Variants in RORC observed in about 807,000 individuals in gnomAD.
The protein encoded by RORC is nuclear receptor ROR-gamma.
Under a neutral mutation model 64.5 loss-of-function variants are expected in RORC, and 13 were observed. The ratio of observed to expected loss-of-function variants is 0.20; its 90% CI spans 0.13 to 0.32. The LOEUF (loss-of-function observed/expected upper bound fraction) is 0.32. Among genes scored for constraint, RORC ranks in the 10% least tolerant of loss-of-function variants. The pLI, the probability that RORC is intolerant of heterozygous loss-of-function variation, is 1.00. For synonymous variants in RORC, 277 were observed against 259.3 expected (o/e 1.07, Z -0.65); for missense variants, 468 against 669.5 (o/e 0.70, Z 3.32).
chr1:151,831,325 G>A lies in RORC; in HGVS notation c.40+400C>T, dbSNP rs144336975. 4.3e-3 allele frequency among the ~76,000 whole-genome samples: 662 copies of A among 152,266 alleles called. 6 individuals are homozygous for A. The highest frequency in any genetic ancestry group is 5.0e-3 in the Non-Finnish European group (338 of 68,014). ...AGCCTCCCGGCCACTGCTGTCTGGG[G>A]TCCTGGCCAGATCAAGGAAGCAGTG... On this transcript the variant is annotated intron_variant, in intron 1 of 10. Coordinates refer to ENST00000318247, the MANE Select transcript of RORC (RefSeq NM_005060.4).
rs551573240 is a variant in RORC, at chr1:151,829,124, C to T, written c.70+305G>A. On this transcript the variant is annotated intron_variant, in intron 2 of 10. Transcript: ENST00000318247. ...CCCGGCCTGGCAGTCGGCCCCACCC[C>T]CTCCCATCTCCCTGCCTCTGTCCAG... Among the ~76,000 whole-genome samples, 12 of 151,978 alleles carry T rather than the reference C, an allele frequency of 7.9e-5. No individual in the cohort carries two copies. The East Asian group carries it at 1.7e-3, about 22-fold the overall frequency.
intron 6 of RORC, chr1:151,813,825 C>T (rs1053944587): frequency 1.2e-5 from 7 of 583,648 alleles, no homozygotes; most frequent in African/African-American, 7.5e-5. Context: ...CGGCTGCTGA[C>T]ACCGAGTTAG....
intron 2 of RORC, among the ~76,000 whole-genome samples, chr1:151,820,319 A>G (rs1413002971): frequency 6.6e-6 from 1 of 152,064 alleles, no homozygotes; most frequent in African/African-American, 2.4e-5. Flanking sequence ...ATGATAACTC[A>G]CCTTCAAAAG....
At chr1:151,823,387 C>T (rs574429803) in intron 2 of RORC, among the ~76,000 whole-genome samples, 2 of 152,304 alleles carry the variant, frequency 1.3e-5, no homozygotes, top group South Asian at 2.1e-4. Flanking sequence ...CTGGGCTACC[C>T]TCCGTCTGGC....
chr1:151,808,553 C>G (rs1651401467), intron 10 of RORC, among the ~76,000 whole-genome samples: 1 of 152,242 alleles, frequency 6.6e-6, no homozygotes, highest in Non-Finnish European at 1.5e-5. Flanking sequence ...TAGATTCTCT[C>G]TCTTCCTCAC....
chr1:151,826,773 G>A (rs1652211083), intron 2 of RORC, among the ~76,000 whole-genome samples: 2 of 152,174 alleles, frequency 1.3e-5, no homozygotes, highest in African/African-American at 2.4e-5. Flanking sequence ...TTACTATTAT[G>A]TGTCAGAAAT....
chr1:151,825,403 G>A (rs899104632), intron 2 of RORC, among the ~76,000 whole-genome samples: 4 of 152,154 alleles, frequency 2.6e-5, no homozygotes, highest in African/African-American at 7.2e-5. Flanking sequence ...GCCTGGACGC[G>A]GGGATTCTGT....
At chr1:151,824,096 G>T (rs1292101410) in intron 2 of RORC, among the ~76,000 whole-genome samples, 2 of 152,184 alleles carry the variant, frequency 1.3e-5, no homozygotes, top group Non-Finnish European at 2.9e-5. Flanking sequence ...TTGGTCTCTG[G>T]GTGTGTCACA....
intron 1 of RORC, among the ~76,000 whole-genome samples, chr1:151,829,970 G>A (rs1652342200): frequency 6.6e-6 from 1 of 152,194 alleles, no homozygotes; most frequent in Admixed American, 6.5e-5. Context: ...GACTGTGTTG[G>A]TCTTATTTAC....
rs999237546 is a variant in RORC, at chr1:151,817,078, G to A, written c.156+117C>T. On this transcript the variant is annotated intron_variant, in intron 3 of 10. Transcript: ENST00000318247. Reference sequence around the variant, plus strand: ...GATCATCCCTGGAGTCAGAACAAAGGCCATTAACCCCCTTGTTTATCTCTA... The same window carrying A: ...GATCATCCCTGGAGTCAGAACAAAGACCATTAACCCCCTTGTTTATCTCTA... The A allele has an allele frequency of 3.2e-5, 27 of 851,506 alleles. No homozygotes were observed. The South Asian group carries it at 4.3e-4, about 14-fold the overall frequency. 52.7% of individuals were successfully genotyped at this position (851,506 alleles called of 1,614,324 possible). A position where few individuals can be genotyped will look rare whatever the true frequency, so the allele number is the denominator to read the frequency against.
chr1:151,820,504 C>T (rs1046844245), intron 2 of RORC, among the ~76,000 whole-genome samples: 1 of 152,124 alleles, frequency 6.6e-6, no homozygotes, highest in Non-Finnish European at 1.5e-5. Flanking sequence ...AGGTCAGGAA[C>T]CTCGAACCAG....
chr1:151,831,740 G>A lies in RORC; in HGVS notation c.25C>T (p.His9Tyr). 1 of 1,610,518 alleles carries A rather than the reference G, an allele frequency of 6.2e-7. No homozygotes were observed. ...GGCCTCTTACCCCGTGAGGCTCGGTGCTGTCTCTGTGGGGCCCTGTCCATG... is the reference window on the plus strand; with the variant it reads ...GGCCTCTTACCCCGTGAGGCTCGGTACTGTCTCTGTGGGGCCCTGTCCATG... MDRAPQRQ[H>Y]RASRELLAAK... Residue 9 changes from histidine to tyrosine, a missense_variant, in exon 1 of 11, where the codon CAC becomes TAC. His to Tyr is a moderately conservative substitution (Grantham distance 83, BLOSUM62 2). This residue lies in a region of RORC where 21 missense variants were observed against 20.6 expected (regional missense o/e 1.02). Transcript: ENST00000318247.
rs59443678 is a variant in RORC at position 151,830,659 on chromosome 1, C to CACACACAT, written c.40+1065_40+1066insATGTGTGT. 0.012 allele frequency among the ~76,000 whole-genome samples: 1,676 copies of CACACACAT among 139,102 alleles called. 57 individuals carry two copies. Among genetic ancestry groups the CACACACAT allele is most frequent in the Middle Eastern group, 0.054 (14 of 260 alleles). The allele number at this position is 139,102 out of a possible 152,430, so 91.3% of individuals were successfully genotyped here. A position where few individuals can be genotyped will look rare whatever the true frequency, so the allele number is the denominator to read the frequency against. On this transcript the variant is annotated intron_variant, in intron 1 of 10. Coordinates refer to ENST00000318247, the MANE Select transcript of RORC (RefSeq NM_005060.4). The surrounding 1 kb of genome is among the most constrained non-coding windows in gnomAD (Gnocchi z 4.0). ...ACACACACACACACACACACACACA[C>CACACACAT]ACAGTGCCCTTCTGCCCGGGAGATG...
intron 2 of RORC, among the ~76,000 whole-genome samples, chr1:151,823,805 G>A (rs945317733): frequency 2.0e-5 from 3 of 152,010 alleles, no homozygotes; most frequent in Non-Finnish European, 4.4e-5. Flanking sequence ...CATGCCCAGC[G>A]AATTAAAAAA....
intron 2 of RORC, among the ~76,000 whole-genome samples, chr1:151,819,314 T>G (rs1474989195): frequency 2.0e-5 from 3 of 151,938 alleles, no homozygotes; most frequent in Non-Finnish European, 2.9e-5. Flanking sequence ...GTCCATGGGG[T>G]GATTGTAGGT....
Position 151,806,844 on chromosome 1 carries a change from A to G in RORC, c.*628T>C, listed in dbSNP as rs945063334. 21 of 152,204 alleles carry G rather than the reference A, an allele frequency of 1.4e-4. No homozygotes were observed. Among genetic ancestry groups the G allele is most frequent in the Admixed American group, 1.3e-3 (20 of 15,278 alleles). 9.4% of individuals were successfully genotyped at this position (152,204 alleles called of 1,614,324 possible). On this transcript the variant is annotated 3_prime_UTR_variant, in exon 11 of 11. Coordinates refer to ENST00000318247, the MANE Select transcript of RORC (RefSeq NM_005060.4). ...GTCCCACACCCAAATCCCATAAAACAATTATCTCCAGCCTCTCATCCTCAT... is the reference window on the plus strand; with the variant it reads ...GTCCCACACCCAAATCCCATAAAACGATTATCTCCAGCCTCTCATCCTCAT...
At chr1:151,826,626 C>T (rs1277016787) in intron 2 of RORC, among the ~76,000 whole-genome samples, 5 of 152,164 alleles carry the variant, frequency 3.3e-5, no homozygotes, top group Non-Finnish European at 5.9e-5. Context: ...ATGATAGAAG[C>T]AGTAATAATC....
intron 2 of RORC, chr1:151,825,843 T>G: frequency 6.6e-7 from 1 of 1,526,136 alleles, no homozygotes; most frequent in Non-Finnish European, 9.1e-7. Flanking sequence ...TCAGATTTGC[T>G]CACACTGTTC....
chr1:151,814,774 G>T, intron 5 of RORC, 79 bp from the exon 6 acceptor site: 1 of 1,557,426 alleles, frequency 6.4e-7, no homozygotes, highest in Non-Finnish European at 8.7e-7. Flanking sequence ...TCTCAGCCTG[G>T]CCTATCCTGC....
Sources: allele counts gnomAD v4.1 joint callset (sites outside exome capture counted in the v4.1 genomes callset), GRCh38; gene constraint gnomAD v4.1.1; regional missense constraint gnomAD v4.1.1; non-coding constraint Gnocchi (gnomAD v3.1); transcripts MANE v1.5; gene names NCBI Gene and HGNC (gene_info 2026-07-23, HGNC 2026-07-21).